The following EEFSEC variants were observed in gnomAD, a reference collection of about 807,000 sequenced individuals.
EEFSEC encodes selenocysteine-specific elongation factor.
Under a neutral mutation model 42.1 loss-of-function variants are expected in EEFSEC, and 43 were observed. The ratio of observed to expected loss-of-function variants is 1.02; its 90% CI spans 0.80 to 1.32. The LOEUF (loss-of-function observed/expected upper bound fraction) is 1.32, where lower values mean the gene tolerates loss of function less well. Ranked by LOEUF, EEFSEC falls within the 40% of genes most tolerant of loss-of-function variation. The probability of loss-of-function intolerance (pLI) is 0.00; values close to 1 mark genes in which losing one functional copy is unlikely to be tolerated. For missense variants in EEFSEC, 745 were observed against 803.6 expected (o/e 0.93, Z 0.88); for synonymous variants, 354 against 339.1 (o/e 1.04, Z -0.48).
chr3:128,168,825 T>A (rs1046931937), intron 1 of EEFSEC, among the ~76,000 whole-genome samples: 26 of 152,248 alleles, frequency 1.7e-4, no homozygotes, highest in Non-Finnish European at 3.1e-4. Flanking sequence ...TGTTTGAACA[T>A]CTGGCTTGTT....
intron 6 of EEFSEC, among the ~76,000 whole-genome samples, chr3:128,402,037 C>T (rs1045931260): frequency 9.2e-5 from 14 of 152,238 alleles, no homozygotes; most frequent in African/African-American, 3.4e-4. Flanking sequence ...AGGTTCCAGC[C>T]AGATTGCACC....
chr3:128,329,446 G>A (rs2108053024), intron 4 of EEFSEC, among the ~76,000 whole-genome samples: 1 of 152,264 alleles, frequency 6.6e-6, no homozygotes, highest in Middle Eastern at 3.4e-3. Flanking sequence ...TCTCAGTCTG[G>A]ACAGGAGGCA....
chr3:128,348,271 C>CGTGTGTGTGTGCGTGTGTGTGT (rs71618139), intron 5 of EEFSEC, among the ~76,000 whole-genome samples: 3 of 147,702 alleles, frequency 2.0e-5, no homozygotes, highest in African/African-American at 7.6e-5. Context: ...TGTGTGTGTG[C>CGTGTGTGTGTGCGTGTGTGTGT]GTGTGCGTGT....
intron 1 of EEFSEC, among the ~76,000 whole-genome samples, chr3:128,198,067 C>A (rs1378873275): frequency 2.6e-5 from 4 of 152,134 alleles, no homozygotes; most frequent in Non-Finnish European, 5.9e-5. Context: ...GGGTCCAAGA[C>A]TTTCTGAATG....
chr3:128,155,233 G>C (rs1944356919), intron 1 of EEFSEC, among the ~76,000 whole-genome samples: 1 of 152,062 alleles, frequency 6.6e-6, no homozygotes, highest in Admixed American at 6.5e-5. Context: ...TCCTGCCTCA[G>C]CCTCCCAAGT....
At chr3:128,417,717 T>G in the EEFSEC span, among the ~76,000 whole-genome samples, 1 of 152,130 alleles carries the variant, frequency 6.6e-6, no homozygotes, top group African/African-American at 2.4e-5. This position sits in a 1 kb window ranked among gnomAD's most constrained non-coding sequence, Gnocchi z 4.3. Context: ...AGTTGTTCCA[T>G]GCAGGGTCCC....
At chr3:128,359,202 C>T (rs535619082) in intron 6 of EEFSEC, among the ~76,000 whole-genome samples, 250 of 152,088 alleles carry the variant, frequency 1.6e-3, no homozygotes, top group African/African-American at 5.5e-3. Context: ...CATGCCACAG[C>T]GAGGGGGAAG....
chr3:128,397,290 G>A (rs760415990), intron 6 of EEFSEC, among the ~76,000 whole-genome samples: 29 of 152,228 alleles, frequency 1.9e-4, no homozygotes, highest in Non-Finnish European at 3.4e-4. Flanking sequence ...TCTCAGGCCC[G>A]TGGCAGGGTG....
At chr3:128,187,884 G>A (rs1427821604) in intron 1 of EEFSEC, among the ~76,000 whole-genome samples, 3 of 152,250 alleles carry the variant, frequency 2.0e-5, no homozygotes, top group Non-Finnish European at 4.4e-5. Flanking sequence ...TTGACTGCAG[G>A]GAGCCTAGAA....
chr3:128,381,568 A>G (rs56004181), intron 6 of EEFSEC, among the ~76,000 whole-genome samples: 10,832 of 152,252 alleles, frequency 0.071, 793 homozygotes, highest in African/African-American at 0.19. Flanking sequence ...TCATGCGTCA[A>G]TCACCTCTGC....
At chr3:128,336,429 T>C (rs139844800) in intron 4 of EEFSEC, among the ~76,000 whole-genome samples, 29 of 152,246 alleles carry the variant, frequency 1.9e-4, no homozygotes, top group African/African-American at 6.7e-4. Flanking sequence ...GCAGTGTCAT[T>C]CCTCTGCCAT....
At chr3:128,201,252 C>G (rs2065640594) in intron 1 of EEFSEC, among the ~76,000 whole-genome samples, 1 of 152,032 alleles carries the variant, frequency 6.6e-6, no homozygotes, top group Non-Finnish European at 1.5e-5. Context: ...CTTTGGGCAA[C>G]ACCATGCTCT....
intron 1 of EEFSEC, among the ~76,000 whole-genome samples, chr3:128,199,224 A>C (rs576083764): frequency 6.6e-6 from 1 of 152,190 alleles, no homozygotes; most frequent in African/African-American, 2.4e-5. Flanking sequence ...CTCACTACAA[A>C]GCTTCTATGA....
intron 1 of EEFSEC, among the ~76,000 whole-genome samples, chr3:128,245,255 GAA>G (rs914250496): frequency 6.6e-6 from 1 of 152,222 alleles, no homozygotes; most frequent in African/African-American, 2.4e-5. Flanking sequence ...CTGGAACAGA[GAA>G]AGAGTCCAGA....
At chr3:128,156,412 G>T (rs1318826562) in intron 1 of EEFSEC, among the ~76,000 whole-genome samples, 1 of 152,134 alleles carries the variant, frequency 6.6e-6, no homozygotes, top group African/African-American at 2.4e-5. Flanking sequence ...TGCTTCCCCA[G>T]GTTACCCTAT....
intron 2 of EEFSEC, among the ~76,000 whole-genome samples, chr3:128,250,553 G>A (rs984231496): frequency 1.3e-5 from 2 of 152,110 alleles, no homozygotes; most frequent in Admixed American, 6.5e-5. Flanking sequence ...GACCATATAT[G>A]TGTGGGTTTA....
chr3:128,287,779 A>G (rs2066601691), intron 4 of EEFSEC, among the ~76,000 whole-genome samples: 2 of 152,196 alleles, frequency 1.3e-5, no homozygotes, highest in South Asian at 4.1e-4. Context: ...GATTCTCAAG[A>G]TAGGGGAAAA....
chr3:128,189,086 A>G (rs2811514), intron 1 of EEFSEC, among the ~76,000 whole-genome samples: 64,509 of 152,044 alleles, frequency 0.42, 16,412 homozygotes, highest in African/African-American at 0.71. Flanking sequence ...AGGCACTGCT[A>G]TTAGGGGCTG....
chr3:128,192,353 A>G (rs1302267552), intron 1 of EEFSEC, among the ~76,000 whole-genome samples: 1 of 152,128 alleles, frequency 6.6e-6, no homozygotes, highest in African/African-American at 2.4e-5. Context: ...CTGCGTGCTT[A>G]GAGACCATGG....
Sources: gnomAD v4.1 joint callset for allele counts (sites outside exome capture counted in the v4.1 genomes callset) on GRCh38, gnomAD v4.1.1 for gene constraint, Gnocchi (gnomAD v3.1) non-coding constraint, MANE v1.5 for transcripts, NCBI Gene and HGNC (gene_info 2026-07-23, HGNC 2026-07-21) for gene names.